UBAC2: variants seen among roughly 807,000 people sequenced by gnomAD.
UBAC2 encodes the protein UBA domain containing 2, also known as ubiquitin-associated domain-containing protein 2.
Under a neutral mutation model 44.0 loss-of-function variants are expected in UBAC2, and 26 were observed. The observed-to-expected ratio is 0.59, with a 90% confidence interval of 0.43 to 0.82. The LOEUF (loss-of-function observed/expected upper bound fraction) is 0.82, where lower values mean the gene tolerates loss of function less well. UBAC2 is among the 40% of genes least tolerant of loss of function. The pLI, the probability that UBAC2 is intolerant of heterozygous loss-of-function variation, is 0.00. For missense variants in UBAC2, 329 were observed against 419.4 expected (o/e 0.78, Z 1.88); for synonymous variants, 155 against 154.3 (o/e 1.00, Z -0.04).
At chr13:99,255,810 G>A in intron 4 of UBAC2, 1 of 1,610,212 alleles carries the variant, frequency 6.2e-7, no homozygotes, top group Non-Finnish European at 8.5e-7. Context: ...CTGCAATTTT[G>A]TATTCATCTG....
At chr13:99,216,306 T>C (rs1328823096) in intron 1 of UBAC2, among the ~76,000 whole-genome samples, 2 of 152,302 alleles carry the variant, frequency 1.3e-5, no homozygotes, top group African/African-American at 4.8e-5. Context: ...GTTTTCACCA[T>C]GTTGGCCAGG....
intron 7 of UBAC2, among the ~76,000 whole-genome samples, chr13:99,353,577 C>G (rs1157095390): frequency 2.0e-5 from 3 of 152,160 alleles, no homozygotes; most frequent in African/African-American, 7.2e-5. Context: ...ATCAGTAATC[C>G]TAATTCTTTT....
intron 7 of UBAC2, among the ~76,000 whole-genome samples, chr13:99,348,840 T>C (rs537264722): frequency 6.6e-6 from 1 of 152,276 alleles, no homozygotes; most frequent in South Asian, 2.1e-4. Flanking sequence ...GTGAGACCTC[T>C]TCTCTACAAA....
chr13:99,290,381 A>G (rs1337640783), intron 4 of UBAC2, among the ~76,000 whole-genome samples: 1 of 152,088 alleles, frequency 6.6e-6, no homozygotes, highest in East Asian at 1.9e-4. Flanking sequence ...AGAGGTTGTA[A>G]TTAGGTGTGC....
chr13:99,244,694 T>C, intron 4 of UBAC2, 70 bp downstream of exon 4: 1 of 910,780 alleles, frequency 1.1e-6, no homozygotes, highest in Non-Finnish European at 1.7e-6. Context: ...ATTATTATTA[T>C]GTGAAAGTCA....
intron 6 of UBAC2, among the ~76,000 whole-genome samples, chr13:99,339,965 C>T (rs944768945): frequency 2.6e-5 from 4 of 152,260 alleles, no homozygotes; most frequent in African/African-American, 7.2e-5. Context: ...CAAAGGTAAC[C>T]GCAGAGTCAG....
At chr13:99,355,587 C>T (rs1473780076) in intron 7 of UBAC2, among the ~76,000 whole-genome samples, 1 of 152,238 alleles carries the variant, frequency 6.6e-6, no homozygotes, top group Non-Finnish European at 1.5e-5. Flanking sequence ...CCTTAGCATT[C>T]TCATTCTCTA....
chr13:99,224,489 A>G (rs1476533335), intron 1 of UBAC2, among the ~76,000 whole-genome samples: 3 of 152,200 alleles, frequency 2.0e-5, no homozygotes, highest in Non-Finnish European at 2.9e-5. Flanking sequence ...GGATTTATCT[A>G]CGTCCCATTT....
At chr13:99,342,710 CTT>C (rs944363391) in intron 7 of UBAC2, among the ~76,000 whole-genome samples, 10 of 152,198 alleles carry the variant, frequency 6.6e-5, no homozygotes, top group Non-Finnish European at 1.5e-4. Context: ...CTGCAAGACA[CTT>C]GATGCTGTTC....
At chr13:99,300,497 T>C (rs1302339008) in intron 4 of UBAC2, among the ~76,000 whole-genome samples, 1 of 152,238 alleles carries the variant, frequency 6.6e-6, no homozygotes, top group Non-Finnish European at 1.5e-5. Flanking sequence ...TGCGTGACTG[T>C]TACTATCCCA....
chr13:99,282,214 C>G (rs2043963005), intron 4 of UBAC2, among the ~76,000 whole-genome samples: 1 of 127,956 alleles, frequency 7.8e-6, no homozygotes, highest in Non-Finnish European at 1.7e-5. Context: ...CAGATAATGC[C>G]AAATGACACT....
chr13:99,238,566 C>G lies in UBAC2; in HGVS notation c.159+12C>G. 6.3e-7 allele frequency: 1 copy of G among 1,596,768 alleles called. No individual in the cohort carries two copies. On this transcript the variant is annotated intron_variant, in intron 2 of 8. Transcript: ENST00000403766. ...AGAACGACTTCCAGGTAAGCTCTGC[C>G]TCATTGGCCCCTGAGAGGAGAGCGG...
intron 1 of UBAC2, among the ~76,000 whole-genome samples, chr13:99,204,031 C>A (rs1358189745): frequency 6.6e-6 from 1 of 152,196 alleles, no homozygotes; most frequent in African/African-American, 2.4e-5. Context: ...CCAATGCTGT[C>A]ACTCAGCTCT....
In UBAC2 at chr13:99,255,284, A is replaced by G. The variant is rs562575938; in HGVS notation, c.389+10660A>G. 17 of 1,614,200 alleles carry G rather than the reference A, an allele frequency of 1.1e-5. No individual in the cohort carries two copies. In the South Asian group the frequency reaches 1.6e-4, roughly 16 times the overall value. Reference sequence around the variant, plus strand: ...CCAATCATGATGAACAAAGGAATCAAGAAAAAAAATGTCAGTCGAGTGAGG... The same window carrying G: ...CCAATCATGATGAACAAAGGAATCAGGAAAAAAAATGTCAGTCGAGTGAGG... On this transcript the variant is annotated intron_variant, in intron 4 of 8. Transcript: ENST00000403766.
chr13:99,372,885 C>T (rs778417826), intron 8 of UBAC2, among the ~76,000 whole-genome samples: 1 of 152,094 alleles, frequency 6.6e-6, no homozygotes, highest in East Asian at 1.9e-4. Flanking sequence ...GAGGCTGAGG[C>T]GGACGGATCA....
At chr13:99,335,845 G>C (rs771058931) in intron 6 of UBAC2, among the ~76,000 whole-genome samples, 10 of 152,032 alleles carry the variant, frequency 6.6e-5, no homozygotes, top group Non-Finnish European at 1.3e-4. Flanking sequence ...CCTTCCCTCG[G>C]GACTGTGTGA....
intron 1 of UBAC2, chr13:99,201,347 T>TC (rs1001821219): frequency 3.2e-6 from 5 of 1,545,626 alleles, no homozygotes; most frequent in Admixed American, 1.9e-5. Flanking sequence ...CCGAACTAAC[T>TC]CCCCCCGCCC....
chr13:99,306,525 A>G (rs1361670479), intron 4 of UBAC2, among the ~76,000 whole-genome samples: 1 of 151,742 alleles, frequency 6.6e-6, no homozygotes. Context: ...CCCTCCCCCA[A>G]CACACACACA....
At chr13:99,300,902 T>C (rs1004001685) in intron 4 of UBAC2, among the ~76,000 whole-genome samples, 1 of 152,240 alleles carries the variant, frequency 6.6e-6, no homozygotes, top group Non-Finnish European at 1.5e-5. Flanking sequence ...TATTTTCAGG[T>C]AGAAAATTTA....
Sources: gnomAD v4.1 joint callset for allele counts (sites outside exome capture counted in the v4.1 genomes callset) on GRCh38, gnomAD v4.1.1 for gene constraint, MANE v1.5 for transcripts, NCBI Gene and HGNC (gene_info 2026-07-23, HGNC 2026-07-21) for gene names.